Variants in SPOP observed in about 807,000 individuals in gnomAD.
SPOP encodes the protein speckle type BTB/POZ protein.
In SPOP, 11 loss-of-function variants were observed where a neutral mutation model predicts 45.6. That is an observed-to-expected ratio of 0.24 (90% CI 0.15 to 0.40). SPOP has a LOEUF of 0.40. SPOP is among the 10% of genes least tolerant of loss of function. The pLI is 1.00. For synonymous variants in SPOP, 166 were observed against 166.3 expected (o/e 1.00, Z 0.01); for missense variants, 152 against 465.6 (o/e 0.33, Z 6.20).
chr17:49,638,494 C>T (rs1008206116), intron 1 of SPOP, among the ~76,000 whole-genome samples: 3 of 151,830 alleles, frequency 2.0e-5, no homozygotes, highest in Admixed American at 6.6e-5. Flanking sequence ...GAGGCTGAGG[C>T]AGGAAAATCA....
At chr17:49,624,328 C>T (rs952530170) in intron 1 of SPOP, among the ~76,000 whole-genome samples, 3 of 94,692 alleles carry the variant, frequency 3.2e-5, no homozygotes, top group Non-Finnish European at 4.5e-5. Context: ...CACGCGCGCG[C>T]GCGCACACAC....
intron 1 of SPOP, among the ~76,000 whole-genome samples, chr17:49,656,113 G>C (rs1390197628): frequency 6.6e-6 from 1 of 152,022 alleles, no homozygotes; most frequent in Non-Finnish European, 1.5e-5. Context: ...TGCCCAGCCA[G>C]GTATTCTTAA....
rs996065406 is a variant in SPOP at position 49,656,504 on chromosome 17, A to G, written c.-67+21429T>C. ...ACCACAACACAAACCCTCCTCTCCA[A>G]TTAGTTGACTCTAGCCTGTTTGTCA... On this transcript the variant is annotated intron_variant, in intron 1 of 9. Transcript: ENST00000504102. Among the ~76,000 whole-genome samples the G allele has an allele frequency of 4.6e-5, 7 of 152,144 alleles. No individual in the cohort carries two copies. In the South Asian group the frequency reaches 1.5e-3, roughly 32 times the overall value.
At chr17:49,662,358 T>A (rs1455989058) in intron 1 of SPOP, among the ~76,000 whole-genome samples, 1 of 152,058 alleles carries the variant, frequency 6.6e-6, no homozygotes, top group Non-Finnish European at 1.5e-5. Flanking sequence ...TGGCTGAAAA[T>A]CCAAACACCA....
chr17:49,657,696 CTTTTTTTTTTT>C (rs34194099), intron 1 of SPOP, among the ~76,000 whole-genome samples: 1,338 of 100,980 alleles, frequency 0.013, 21 homozygotes, highest in South Asian at 0.018. Context: ...CGCACCCGGC[CTTTTTTTTTTT>C]TTTTTTTTTT....
At chr17:49,665,549 A>G (rs763638644) in intron 1 of SPOP, among the ~76,000 whole-genome samples, 24 of 151,426 alleles carry the variant, frequency 1.6e-4, no homozygotes, top group Non-Finnish European at 2.5e-4. Context: ...CAGGAGGCGG[A>G]GCTTGCAGTG....
chr17:49,649,584 G>A (rs2072812835), intron 1 of SPOP, among the ~76,000 whole-genome samples: 1 of 151,716 alleles, frequency 6.6e-6, no homozygotes, highest in African/African-American at 2.4e-5. Context: ...TGTAATCCCA[G>A]CACTTTGGGA....
intron 6 of SPOP, 38 bp from the exon 7 acceptor site, chr17:49,607,967 A>C: frequency 6.2e-7 from 1 of 1,601,428 alleles, no homozygotes. Flanking sequence ...TAAGGCTATC[A>C]CAGTGAAATC....
intron 1 of SPOP, among the ~76,000 whole-genome samples, chr17:49,671,328 A>C (rs1361783605): frequency 6.6e-6 from 1 of 151,484 alleles, no homozygotes; most frequent in Non-Finnish European, 1.5e-5. Context: ...TTTTACCATT[A>C]AATGACAAAA....
intron 7 of SPOP, 86 bp from the exon 8 acceptor site, chr17:49,607,458 G>A: frequency 2.7e-6 from 4 of 1,496,410 alleles, no homozygotes; most frequent in Non-Finnish European, 2.7e-6. Context: ...AAGCTCTAGT[G>A]AGGAGAGAAC....
chr17:49,660,254 G>C (rs2072969491), intron 1 of SPOP, among the ~76,000 whole-genome samples: 1 of 152,152 alleles, frequency 6.6e-6, no homozygotes, highest in Admixed American at 6.5e-5. Flanking sequence ...GAGTATGGCA[G>C]GCACATACAT....
At chr17:49,606,696 C>A (rs896470980) in intron 8 of SPOP, among the ~76,000 whole-genome samples, 5 of 147,392 alleles carry the variant, frequency 3.4e-5, no homozygotes, top group Non-Finnish European at 7.5e-5. Flanking sequence ...GGTTTCGCCA[C>A]GTTGCCCAGG....
chr17:49,675,709 A>G (rs2143595661), intron 1 of SPOP, among the ~76,000 whole-genome samples: 1 of 152,346 alleles, frequency 6.6e-6, no homozygotes, highest in South Asian at 2.1e-4. Flanking sequence ...AGTGAATTCA[A>G]CTAGACAAAA....
At chr17:49,675,674 C>T (rs2073189788) in intron 1 of SPOP, among the ~76,000 whole-genome samples, 1 of 152,060 alleles carries the variant, frequency 6.6e-6, no homozygotes, top group African/African-American at 2.4e-5. Flanking sequence ...GCATTGCACG[C>T]CATCAAAATT....
intron 2 of SPOP, 90 bp from the exon 3 acceptor site, chr17:49,622,157 C>T: frequency 4.0e-6 from 6 of 1,482,730 alleles, no homozygotes; most frequent in African/African-American, 1.4e-5. Flanking sequence ...CCCCTCCCTC[C>T]CTCTGCATGA....
intron 1 of SPOP, among the ~76,000 whole-genome samples, chr17:49,650,416 C>T (rs968658449): frequency 1.3e-5 from 2 of 151,818 alleles, no homozygotes; most frequent in African/African-American, 4.8e-5. Context: ...CCTGTCTCTA[C>T]TAAAAATACA....
At chr17:49,640,583 C>CA (rs2072628602) in intron 1 of SPOP, among the ~76,000 whole-genome samples, 2 of 152,078 alleles carry the variant, frequency 1.3e-5, no homozygotes, top group Admixed American at 1.3e-4. Context: ...TATTTTGAGA[C>CA]AAAATCTTCT....
intron 1 of SPOP, among the ~76,000 whole-genome samples, chr17:49,630,590 G>A (rs2072432231): frequency 8.9e-6 from 1 of 112,710 alleles, no homozygotes; most frequent in Non-Finnish European, 1.8e-5. Flanking sequence ...AATTAAAGAT[G>A]CCTGTTTTTT....
chr17:49,627,625 G>T (rs2072362636), intron 1 of SPOP, among the ~76,000 whole-genome samples: 1 of 152,012 alleles, frequency 6.6e-6, no homozygotes, highest in African/African-American at 2.4e-5. Context: ...ATCTAACAAT[G>T]AACAATTTAT....
Sources: allele counts gnomAD v4.1 joint callset (sites outside exome capture counted in the v4.1 genomes callset), GRCh38; gene constraint gnomAD v4.1.1; transcripts MANE v1.5; gene names NCBI Gene and HGNC (gene_info 2026-07-23, HGNC 2026-07-21).